ACBD3: variants seen among roughly 807,000 people sequenced by gnomAD.
The protein encoded by ACBD3 is acyl-CoA binding domain containing 3.
ACBD3 carries 30 observed loss-of-function variants against 66.9 expected under a neutral mutation model. The ratio of observed to expected loss-of-function variants is 0.45; its 90% CI spans 0.34 to 0.61. The LOEUF (loss-of-function observed/expected upper bound fraction) is 0.61, where lower values mean the gene tolerates loss of function less well. ACBD3 is among the 20% of genes least tolerant of loss of function. ACBD3 has a pLI of 0.02. For missense variants in ACBD3, 544 were observed against 664.5 expected (o/e 0.82, Z 1.99); for synonymous variants, 278 against 259.8 (o/e 1.07, Z -0.68).
In ACBD3 at chr1:226,178,346, G is replaced by A. The variant is rs143755995; in HGVS notation, c.286+8044C>T. On this transcript the variant is annotated intron_variant, in intron 1 of 7. Coordinates refer to ENST00000366812, the MANE Select transcript of ACBD3 (RefSeq NM_022735.4). ...AGCACTTTGGGAGGCCAAGGTGGGC[G>A]GATCATCAGGTCAGGAGTTCGAGAC... is the stretch of plus-strand genomic sequence containing the variant. 6.5e-3 allele frequency among the ~76,000 whole-genome samples: 983 copies of A among 151,798 alleles called. 9 individuals are homozygous for A. Among genetic ancestry groups the A allele is most frequent in the African/African-American group, 0.023 (931 of 41,370 alleles).
chr1:226,158,672 C>T (rs1659718608), intron 5 of ACBD3, among the ~76,000 whole-genome samples: 1 of 152,206 alleles, frequency 6.6e-6, no homozygotes, highest in Non-Finnish European at 1.5e-5. Flanking sequence ...AAGCAAAATA[C>T]TTGGGGGCAG....
chr1:226,151,714 T>G (rs115335756), intron 7 of ACBD3, among the ~76,000 whole-genome samples: 5,357 of 152,252 alleles, frequency 0.035, 293 homozygotes, highest in African/African-American at 0.12. Flanking sequence ...TCCTTTAAAA[T>G]TTTTCAAAGT....
At position 226,159,041 on chromosome 1, in the gene ACBD3, T is replaced by A. The variant is rs1272394463; in HGVS notation, c.903+143A>T. On this transcript the variant is annotated intron_variant, in intron 5 of 7. Transcript: ENST00000366812. ...CAATTGCCTGTGCAATTCTCAAGTCTGCCTAAAAGATCACCCAAAAGTTAC... is the reference window on the plus strand; with the variant it reads ...CAATTGCCTGTGCAATTCTCAAGTCAGCCTAAAAGATCACCCAAAAGTTAC... 3 of 869,384 alleles carry A rather than the reference T, an allele frequency of 3.5e-6. No individual in the cohort carries two copies. The African/African-American group carries it at 5.0e-5, about 15-fold the overall frequency. 53.9% of individuals were successfully genotyped at this position (869,384 alleles called of 1,614,324 possible).
intron 1 of ACBD3, among the ~76,000 whole-genome samples, chr1:226,184,597 T>G (rs983950028): frequency 6.6e-6 from 1 of 152,202 alleles, no homozygotes; most frequent in Non-Finnish European, 1.5e-5. Flanking sequence ...CATATGAAAC[T>G]GATTCTGGAA....
intron 1 of ACBD3, among the ~76,000 whole-genome samples, chr1:226,170,433 CA>C (rs1216494516): frequency 6.6e-6 from 1 of 150,684 alleles, no homozygotes; most frequent in Middle Eastern, 3.2e-3. Context: ...CTGGGCCTCC[CA>C]AAGTGCTGAG....
intron 3 of ACBD3, among the ~76,000 whole-genome samples, chr1:226,162,254 T>A (rs537497381): frequency 6.7e-6 from 1 of 148,662 alleles, no homozygotes; most frequent in African/African-American, 2.5e-5. Context: ...AGACATGTAA[T>A]ACACTTGCTT....
chr1:226,170,017 T>G (rs1659961281), intron 1 of ACBD3, among the ~76,000 whole-genome samples: 1 of 95,330 alleles, frequency 1.0e-5, no homozygotes, highest in Non-Finnish European at 2.0e-5. Context: ...CGAGATTCCA[T>G]CTCAAAAAAA....
chr1:226,176,752 A>G (rs546772301), intron 1 of ACBD3, among the ~76,000 whole-genome samples: 71 of 152,300 alleles, frequency 4.7e-4, no homozygotes, highest in African/African-American at 1.7e-3. Flanking sequence ...ATACATGAAG[A>G]AAAAAATGCC....
intron 6 of ACBD3, among the ~76,000 whole-genome samples, chr1:226,153,690 C>A (rs1203768365): frequency 6.6e-6 from 1 of 152,158 alleles, no homozygotes; most frequent in Non-Finnish European, 1.5e-5. Flanking sequence ...AATGAGCTGC[C>A]CATGGAAAGC....
chr1:226,158,601 C>G (rs1329661204), intron 5 of ACBD3, among the ~76,000 whole-genome samples: 6 of 152,172 alleles, frequency 3.9e-5, no homozygotes, highest in African/African-American at 1.4e-4. Context: ...CAAAGAGAAT[C>G]CAAGTGTTAT....
chr1:226,167,414 T>G (rs1021353125), intron 1 of ACBD3, among the ~76,000 whole-genome samples: 5 of 152,224 alleles, frequency 3.3e-5, no homozygotes, highest in African/African-American at 1.2e-4. Flanking sequence ...GTAATAGGAT[T>G]ATTATTATTA....
rs368759207 is a variant in ACBD3, at chr1:226,152,644, C to G, written c.1091-25G>C. ...TCTAAAGGCAATAGGTATTAAAAAG[C>G]TAAAGAAAAAGAGCCTTCACCCTGC... is the stretch of plus-strand genomic sequence containing the variant. On this transcript the variant is annotated intron_variant, in intron 6 of 7. Coordinates refer to ENST00000366812, the MANE Select transcript of ACBD3 (RefSeq NM_022735.4). The G allele has an allele frequency of 2.5e-6, 4 of 1,595,810 alleles. No individual in the cohort carries two copies. The African/African-American group carries it at 4.1e-5, about 16-fold the overall frequency.
At chr1:226,164,066 G>C (rs1168125808) in intron 3 of ACBD3, among the ~76,000 whole-genome samples, 1 of 127,528 alleles carries the variant, frequency 7.8e-6, no homozygotes, top group Non-Finnish European at 1.6e-5. Flanking sequence ...GCAGAGGATT[G>C]TGTCACTGCA....
At chr1:226,156,916 G>A (rs1558125012) in intron 5 of ACBD3, among the ~76,000 whole-genome samples, 2 of 152,098 alleles carry the variant, frequency 1.3e-5, no homozygotes, top group Admixed American at 1.3e-4. Context: ...GGCTCTAGCA[G>A]AAAAACAACT....
chr1:226,153,125 A>C (rs1659608528), intron 6 of ACBD3, among the ~76,000 whole-genome samples: 1 of 152,272 alleles, frequency 6.6e-6, no homozygotes, highest in African/African-American at 2.4e-5. Flanking sequence ...GGACAGGATT[A>C]GAACCACTAG....
Position 226,186,570 on chromosome 1 carries a change from G to T in ACBD3, c.106C>A (p.Pro36Thr). ...GGCGAGGGCGGTGGCAGCGGTGGCG[G>T]CAGCAGCGGGGCGCCCTCCGCCCCA... ...RPGAEGAPLL[P>T]PPLPPPSPPG... The change falls in exon 1 of 8, where the codon CCG (proline) becomes ACG (threonine). Residue 36 changes from proline to threonine, a missense_variant. Around this residue, in one of 3 missense-constraint regions of ACBD3, gnomAD observed 137 missense variants for 145.9 expected, o/e 0.94. Coordinates refer to ENST00000366812, the MANE Select transcript of ACBD3 (RefSeq NM_022735.4). The T allele has an allele frequency of 7.3e-7, 1 of 1,363,466 alleles. No homozygotes were observed. Among genetic ancestry groups the T allele is most frequent in the Non-Finnish European group, 9.4e-7 (1 of 1,063,304 alleles). 84.5% of individuals were successfully genotyped at this position (1,363,466 alleles called of 1,614,324 possible). A position where few individuals can be genotyped will look rare whatever the true frequency, so the allele number is the denominator to read the frequency against.
At position 226,170,606 on chromosome 1, in the gene ACBD3, T is replaced by TAC. The variant is rs562842502; in HGVS notation, c.287-4608_287-4607dup. ...TCATGCAAAACAGCAATTTCGAACATACACACACACAAAATTTTTTTTTGC... is the reference window on the plus strand; with the variant it reads ...TCATGCAAAACAGCAATTTCGAACATACACACACACACAAAATTTTTTTTTGC... On this transcript the variant is annotated intron_variant, in intron 1 of 7. Transcript: ENST00000366812. 1.0e-3 allele frequency among the ~76,000 whole-genome samples: 155 copies of TAC among 152,166 alleles called. 1 individual carries two copies. The East Asian group carries it at 0.025, about 25-fold the overall frequency.
chr1:226,182,128 G>C (rs1025862649), intron 1 of ACBD3, among the ~76,000 whole-genome samples: 1 of 152,094 alleles, frequency 6.6e-6, no homozygotes, highest in Admixed American at 6.5e-5. Flanking sequence ...TCACACAGGA[G>C]GATGAGGTGG....
rs1164098614 is a variant in ACBD3, at chr1:226,145,854, A to G, written c.*756T>C. On this transcript the variant is annotated 3_prime_UTR_variant, in exon 8 of 8. Coordinates refer to ENST00000366812, the MANE Select transcript of ACBD3 (RefSeq NM_022735.4). ...TGAAGCCAAAACAAAACAAAACAAA[A>G]CAAAAAACCTGTATTTTGCTACTAG... 6.6e-6 allele frequency: 1 copy of G among 152,360 alleles called. No individual in the cohort carries two copies. Among genetic ancestry groups the G allele is most frequent in the African/African-American group, 2.4e-5 (1 of 41,460 alleles). 9.4% of individuals were successfully genotyped at this position (152,360 alleles called of 1,614,324 possible). A position where few individuals can be genotyped will look rare whatever the true frequency, so the allele number is the denominator to read the frequency against.
Sources: allele counts gnomAD v4.1 joint callset (sites outside exome capture counted in the v4.1 genomes callset), GRCh38; gene constraint gnomAD v4.1.1; regional missense constraint gnomAD v4.1.1; transcripts MANE v1.5; gene names NCBI Gene and HGNC (gene_info 2026-07-23, HGNC 2026-07-21).